DCC: variants seen among roughly 807,000 people sequenced by gnomAD.
The protein encoded by DCC is DCC netrin 1 receptor.
DCC carries 58 observed loss-of-function variants against 172.5 expected under a neutral mutation model. The ratio of observed to expected loss-of-function variants is 0.34; its 90% CI spans 0.27 to 0.42. The LOEUF is 0.42. Ranked by LOEUF, DCC falls within the 10% of genes least tolerant of loss-of-function variation. DCC has a pLI of 1.00. For synonymous variants in DCC, 709 were observed against 644.5 expected (o/e 1.10, Z -1.52); for missense variants, 1,740 against 1,791.0 (o/e 0.97, Z 0.51).
chr18:52,431,348 T>A (rs1052564256), intron 1 of DCC, among the ~76,000 whole-genome samples: 2 of 151,968 alleles, frequency 1.3e-5, no homozygotes, highest in Admixed American at 6.6e-5. Context: ...AAAAAAAAGA[T>A]CAGCATTCAC....
intron 1 of DCC, among the ~76,000 whole-genome samples, chr18:52,738,556 A>G (rs2036764120): frequency 6.6e-6 from 1 of 152,180 alleles, no homozygotes; most frequent in Non-Finnish European, 1.5e-5. Flanking sequence ...AAGTGAGTCA[A>G]TGAGTGAGTG....
intron 1 of DCC, among the ~76,000 whole-genome samples, chr18:52,348,413 C>T (rs571381824): frequency 1.3e-5 from 2 of 152,168 alleles, no homozygotes; most frequent in South Asian, 2.1e-4. Flanking sequence ...TACTGAAACC[C>T]CCACCAGGGG....
intron 2 of DCC, among the ~76,000 whole-genome samples, chr18:52,782,649 C>T (rs2037569282): frequency 1.3e-5 from 2 of 152,044 alleles, no homozygotes; most frequent in Non-Finnish European, 2.9e-5. Context: ...TTTCTTCCTC[C>T]ATGTGTATTC....
At chr18:52,783,323 CT>C (rs374129823) in intron 2 of DCC, among the ~76,000 whole-genome samples, 4 of 59,258 alleles carry the variant, frequency 6.8e-5, no homozygotes, top group East Asian at 1.7e-3. Context: ...TACTACTACT[CT>C]TTTTTTTTTT....
chr18:52,358,730 T>A (rs1176404745), intron 1 of DCC, among the ~76,000 whole-genome samples: 1 of 152,206 alleles, frequency 6.6e-6, no homozygotes, highest in African/African-American at 2.4e-5. Context: ...CTAAGAGCTA[T>A]GTCATAAACC....
intron 5 of DCC, among the ~76,000 whole-genome samples, chr18:53,023,614 C>CTT (rs1178321135): frequency 6.6e-6 from 1 of 151,990 alleles, no homozygotes; most frequent in Non-Finnish European, 1.5e-5. Flanking sequence ...GACCCTGTCG[C>CTT]CAGGCAAAAC....
intron 1 of DCC, among the ~76,000 whole-genome samples, chr18:52,750,014 T>C (rs898666099): frequency 6.6e-6 from 1 of 152,204 alleles, no homozygotes; most frequent in African/African-American, 2.4e-5. Flanking sequence ...CCAGGTTTGC[T>C]AGCTTGTGTT....
intron 1 of DCC, among the ~76,000 whole-genome samples, chr18:52,531,395 G>A (rs988673827): frequency 6.6e-6 from 1 of 152,160 alleles, no homozygotes; most frequent in Non-Finnish European, 1.5e-5. Context: ...CCAAAACTTA[G>A]TTAACACCAG....
At chr18:52,577,400 C>G (rs1005320981) in intron 1 of DCC, among the ~76,000 whole-genome samples, 10 of 152,110 alleles carry the variant, frequency 6.6e-5, no homozygotes, top group African/African-American at 2.2e-4. Context: ...GCTATCTTTC[C>G]ATTGGATGAA....
In DCC at chr18:53,377,102, C is replaced by G. The variant is rs189805597; in HGVS notation, c.2360-8941C>G. On this transcript the variant is annotated intron_variant, in intron 15 of 28. Transcript: ENST00000442544. ...TCTTCTTCAACTCACATCTCTTATT[C>G]TATAAAAGGTAGATAACACAGAGGA... 6.7e-4 allele frequency among the ~76,000 whole-genome samples: 101 copies of G among 151,686 alleles called. 1 individual carries two copies. Among genetic ancestry groups the G allele is most frequent in the Non-Finnish European group, 1.1e-3 (73 of 68,014 alleles).
intron 12 of DCC, among the ~76,000 whole-genome samples, chr18:53,276,847 A>C (rs1467359608): frequency 6.6e-6 from 1 of 152,134 alleles, no homozygotes; most frequent in Non-Finnish European, 1.5e-5. Context: ...GCAATGAGAA[A>C]TTTTACTATG....
chr18:52,759,130 T>A (rs2037120011), intron 2 of DCC: 1 of 152,184 alleles, frequency 6.6e-6, no homozygotes, highest in Admixed American at 6.5e-5. Context: ...TTTTCTTTAA[T>A]TTTATTGCTA....
intron 1 of DCC, among the ~76,000 whole-genome samples, chr18:52,548,121 A>G (rs1210455594): frequency 1.3e-5 from 2 of 152,128 alleles, no homozygotes; most frequent in African/African-American, 2.4e-5. Context: ...TTAACGTCTT[A>G]TTTGTTAACA....
At chr18:53,346,802 A>T (rs1368071102) in intron 15 of DCC, among the ~76,000 whole-genome samples, 2 of 152,268 alleles carry the variant, frequency 1.3e-5, no homozygotes, top group South Asian at 4.1e-4. Context: ...TTGAGAATGG[A>T]CTATATTTAC....
chr18:53,277,810 C>T (rs1598975074), intron 12 of DCC, among the ~76,000 whole-genome samples: 2 of 152,268 alleles, frequency 1.3e-5, no homozygotes, highest in Non-Finnish European at 2.9e-5. Context: ...GGGTTCTTTG[C>T]TCTGCATATT....
intron 2 of DCC, among the ~76,000 whole-genome samples, chr18:52,868,071 GTGTGTGTATATA>G (rs2039257863): frequency 7.8e-6 from 1 of 127,740 alleles, no homozygotes; most frequent in South Asian, 2.3e-4. Flanking sequence ...GTGTGTGTGT[GTGTGTGTATATA>G]TGTGTGTATA....
At chr18:52,796,127 C>A (rs1388893994) in intron 2 of DCC, among the ~76,000 whole-genome samples, 5 of 143,772 alleles carry the variant, frequency 3.5e-5, no homozygotes, top group African/African-American at 1.0e-4. Flanking sequence ...CACTTTAAAT[C>A]TATATCGGTC....
At chr18:53,091,659 A>T (rs2043010924) in intron 7 of DCC, among the ~76,000 whole-genome samples, 1 of 151,696 alleles carries the variant, frequency 6.6e-6, no homozygotes, top group African/African-American at 2.4e-5. Context: ...TTATAAGAGC[A>T]CAAATTCTAT....
chr18:52,882,571 C>T (rs979213956), intron 2 of DCC, among the ~76,000 whole-genome samples: 1 of 151,794 alleles, frequency 6.6e-6, no homozygotes, highest in African/African-American at 2.4e-5. Flanking sequence ...TGTATAGTTT[C>T]CAAAATGCCT....
Sources: gnomAD v4.1 joint callset for allele counts (sites outside exome capture counted in the v4.1 genomes callset) on GRCh38, gnomAD v4.1.1 for gene constraint, MANE v1.5 for transcripts, NCBI Gene and HGNC (gene_info 2026-07-23, HGNC 2026-07-21) for gene names.